ZNF280D: variants seen among roughly 807,000 people sequenced by gnomAD.
ZNF280D encodes zinc finger protein 280D, also known as suppressor of hairy wing homolog 4.
ZNF280D carries 39 observed loss-of-function variants against 94.7 expected under a neutral mutation model. The ratio of observed to expected loss-of-function variants is 0.41; its 90% CI spans 0.32 to 0.54. The LOEUF (loss-of-function observed/expected upper bound fraction) is 0.54, where lower values mean the gene tolerates loss of function less well. Ranked by LOEUF, ZNF280D falls within the 20% of genes least tolerant of loss-of-function variation. The pLI is 0.22. For synonymous variants in ZNF280D, 398 were observed against 377.6 expected (o/e 1.05, Z -0.63); for missense variants, 1,090 against 1,149.3 (o/e 0.95, Z 0.75).
At chr15:56,667,883 G>A (rs748165848) in intron 14 of ZNF280D, 29 of 182,018 alleles carry the variant, frequency 1.6e-4, no homozygotes, top group Non-Finnish European at 3.4e-4. Context: ...CAGAATGTAT[G>A]AAAAAGTACA....
At chr15:56,685,780 C>T (rs901529316) in intron 9 of ZNF280D, among the ~76,000 whole-genome samples, 1 of 152,064 alleles carries the variant, frequency 6.6e-6, no homozygotes, top group African/African-American at 2.4e-5. Context: ...AAGCTACACA[C>T]ACATAAAGCA....
chr15:56,727,262 C>A (rs536306490), intron 1 of ZNF280D, among the ~76,000 whole-genome samples: 12 of 151,732 alleles, frequency 7.9e-5, no homozygotes, highest in African/African-American at 2.9e-4. Context: ...GAGTTCGAGA[C>A]CAGCCTGGCC....
In ZNF280D at chr15:56,693,157, T is replaced by A; in HGVS notation, c.440A>T (p.Asp147Val). The change falls in exon 7 of 22, where the codon GAC becomes GTC. Residue 147 changes from aspartate (D) to valine (V), a missense_variant. Physicochemically the swap from Asp to Val is radical, Grantham distance 152. Around this residue, in one of 3 missense-constraint regions of ZNF280D, gnomAD observed 386 missense variants for 372.0 expected, o/e 1.04. Transcript: ENST00000267807. The stretch of plus-strand genomic sequence containing the variant: ...TGATAATCCTGTATCCTGGGTCAAG[T>A]CAAACAGTAACTCTGATGACTTATT... ...VSNKSSELLF[D>V]LTQDTGLSHY... is the part of the protein sequence containing the mutation. 6.2e-7 allele frequency: 1 copy of A among 1,605,864 alleles called. No homozygotes were observed. Among genetic ancestry groups the A allele is most frequent in the Non-Finnish European group, 8.5e-7 (1 of 1,176,378 alleles).
At chr15:56,634,206 G>C (rs1027401479) in intron 21 of ZNF280D, 4 of 151,992 alleles carry the variant, frequency 2.6e-5, no homozygotes, top group Non-Finnish European at 2.9e-5. Flanking sequence ...TTTACACCAG[G>C]CTACTTTAAT....
rs571561033 is a variant in ZNF280D at position 56,705,885 on chromosome 15, A to C, written c.28+1197T>G. Among the ~76,000 whole-genome samples, 9 of 151,924 alleles carry C rather than the reference A, an allele frequency of 5.9e-5. No homozygotes were observed. In the East Asian group the frequency reaches 1.6e-3, roughly 26 times the overall value. Reference sequence around the variant, plus strand: ...TAATCTATGGACTAGGCGAAGTCAGAAAATGCATAATTTTAAACAATCAGG... The same window carrying C: ...TAATCTATGGACTAGGCGAAGTCAGCAAATGCATAATTTTAAACAATCAGG... On this transcript the variant is annotated intron_variant, in intron 3 of 21. Transcript: ENST00000267807.
In ZNF280D at chr15:56,676,572, C is replaced by G. The variant is rs1013002953; in HGVS notation, c.1410+98G>C. ...ATTAATAGTGTCATTTGGAACAACT[C>G]TGCTTCTCTTGCAGAACAAATCTAA... On this transcript the variant is annotated intron_variant, in intron 13 of 21. Coordinates refer to ENST00000267807, the MANE Select transcript of ZNF280D (RefSeq NM_017661.4). The G allele has an allele frequency of 5.4e-6, 6 of 1,107,110 alleles. No individual in the cohort carries two copies. In the African/African-American group the frequency reaches 8.0e-5, roughly 15 times the overall value. The allele number at this position is 1,107,110 out of a possible 1,614,324, so 68.6% of individuals were successfully genotyped here. A position where few individuals can be genotyped will look rare whatever the true frequency, so the allele number is the denominator to read the frequency against.
Position 56,693,125 on chromosome 15 carries a change from G to A in ZNF280D, c.472C>T (p.Gln158Ter). 1 of 1,603,256 alleles carries A rather than the reference G, an allele frequency of 6.2e-7. No homozygotes were observed. The highest frequency in any genetic ancestry group is 1.1e-5 in the South Asian group (1 of 88,830). The change falls in exon 7 of 22, where the codon CAA becomes TAA. Residue 158 changes from glutamine to a stop codon, truncating the protein, a stop_gained. Transcript: ENST00000267807. LOFTEE classifies it high-confidence loss of function. ...LTQDTGLSHY[Q>*]GGPTLSMAGM... ...GCCATAGAAAGTGTTGGTCCCCCTTGGTAATGTGATAATCCTGTATCCTGG... is the reference window on the plus strand; with the variant it reads ...GCCATAGAAAGTGTTGGTCCCCCTTAGTAATGTGATAATCCTGTATCCTGG...
intron 14 of ZNF280D, among the ~76,000 whole-genome samples, chr15:56,667,809 C>T (rs1217195553): frequency 2.0e-5 from 3 of 152,098 alleles, no homozygotes; most frequent in East Asian, 1.9e-4. Flanking sequence ...TGCTTCTTCA[C>T]ATCTATAACA....
intron 1 of ZNF280D, among the ~76,000 whole-genome samples, chr15:56,720,843 G>C (rs1188445533): frequency 6.6e-6 from 1 of 151,886 alleles, no homozygotes; most frequent in Non-Finnish European, 1.5e-5. Context: ...TCAATAACAG[G>C]CTTAAATTTT....
chr15:56,657,008 G>A (rs1424782837), intron 17 of ZNF280D, among the ~76,000 whole-genome samples: 2 of 152,088 alleles, frequency 1.3e-5, no homozygotes, highest in Non-Finnish European at 1.5e-5. Context: ...TAAATGCAAA[G>A]GTCTTGAGAC....
intron 12 of ZNF280D, 31 bp downstream of exon 12, chr15:56,677,543 C>A (rs763157922): frequency 1.9e-5 from 29 of 1,490,770 alleles, no homozygotes; most frequent in Non-Finnish European, 2.7e-5. Flanking sequence ...ACAAACCAAA[C>A]ACTTAAAAAA....
At chr15:56,677,454 T>G (rs1782021919) in intron 12 of ZNF280D, 120 bp downstream of exon 12, 1 of 649,390 alleles carries the variant, frequency 1.5e-6, no homozygotes. Flanking sequence ...CCTCATATAA[T>G]GCATAAGTTA....
chr15:56,711,478 A>G (rs1242470856), intron 1 of ZNF280D, among the ~76,000 whole-genome samples: 1 of 152,152 alleles, frequency 6.6e-6, no homozygotes, highest in Non-Finnish European at 1.5e-5. Flanking sequence ...CAGCCTGGCC[A>G]ACATGGTGAA....
At chr15:56,686,330 G>T (rs1483254114) in intron 9 of ZNF280D, among the ~76,000 whole-genome samples, 2 of 152,070 alleles carry the variant, frequency 1.3e-5, no homozygotes, top group Admixed American at 6.5e-5. Flanking sequence ...GTAGAGATGG[G>T]GTTTCACTAT....
In ZNF280D at chr15:56,689,958, T is replaced by TTTGTTAG. The variant is rs540961548; in HGVS notation, c.500-489_500-488insCTAACAA. 2.1e-3 allele frequency among the ~76,000 whole-genome samples: 322 copies of TTTGTTAG among 152,350 alleles called. 8 individuals carry two copies. The East Asian group carries it at 0.056, about 26-fold the overall frequency. ...AAAATGTCTAATGGAAATTTAGTTC[T>TTTGTTAG]TTCCTACCTAACAAACTGAAGAGTA... On this transcript the variant is annotated intron_variant, in intron 7 of 21. Coordinates refer to ENST00000267807, the MANE Select transcript of ZNF280D (RefSeq NM_017661.4).
rs1034768346 is a variant in ZNF280D, at chr15:56,631,596, C to T, written c.2842G>A (p.Glu948Lys). The T allele has an allele frequency of 1.7e-5, 28 of 1,614,006 alleles. No homozygotes were observed. Among genetic ancestry groups the T allele is most frequent in the Non-Finnish European group, 2.3e-5 (27 of 1,180,014 alleles). Residue 948 changes from glutamate (E) to lysine (K), a missense_variant, in exon 22 of 22, where the codon GAA (glutamate) becomes AAA (lysine). Physicochemically the swap from Glu to Lys is moderately conservative, Grantham distance 56. Coordinates refer to ENST00000267807, the MANE Select transcript of ZNF280D (RefSeq NM_017661.4). ...TCATCTGTTTGATCAGACACTACTTCATCAGTCTTGGCTGAAGGATCACCA... is the reference window on the plus strand; with the variant it reads ...TCATCTGTTTGATCAGACACTACTTTATCAGTCTTGGCTGAAGGATCACCA... ...GSGDPSAKTD[E>K]VVSDQTDDIP...
chr15:56,658,355 T>C, intron 17 of ZNF280D, 69 bp downstream of exon 17: 1 of 1,113,568 alleles, frequency 9.0e-7, no homozygotes. Context: ...AATAAAGCTG[T>C]TGTGTTAAAA....
chr15:56,688,837 T>C (rs150398542), intron 9 of ZNF280D: 1 of 347,920 alleles, frequency 2.9e-6, no homozygotes, highest in Admixed American at 4.5e-5. Context: ...GCATACATTA[T>C]AATATATACA....
At chr15:56,677,301 T>C (rs1238062946) in intron 12 of ZNF280D, among the ~76,000 whole-genome samples, 1 of 152,202 alleles carries the variant, frequency 6.6e-6, no homozygotes, top group Non-Finnish European at 1.5e-5. Context: ...GCACTTTGTA[T>C]TTCCCTTGTA....
Sources: gnomAD v4.1 joint callset for allele counts (sites outside exome capture counted in the v4.1 genomes callset) on GRCh38, gnomAD v4.1.1 for gene constraint, gnomAD v4.1.1 regional missense constraint, MANE v1.5 for transcripts, NCBI Gene and HGNC (gene_info 2026-07-23, HGNC 2026-07-21) for gene names.